EYS: variants seen among roughly 807,000 people sequenced by gnomAD.
The protein encoded by EYS is EGF-like photoreceptor maintenance factor, also known as protein eyes shut homolog.
Under a neutral mutation model 282.1 loss-of-function variants are expected in EYS, and 250 were observed. The ratio of observed to expected loss-of-function variants is 0.89; its 90% CI spans 0.80 to 0.98. The LOEUF (loss-of-function observed/expected upper bound fraction) is 0.98, where lower values mean the gene tolerates loss of function less well. Ranked by LOEUF, EYS falls within the 50% of genes least tolerant of loss-of-function variation. The pLI is 0.00. For missense variants in EYS, 4,016 were observed against 3,709.0 expected (o/e 1.08, Z -2.15); for synonymous variants, 1,355 against 1,282.9 (o/e 1.06, Z -1.20).
At position 64,194,890 on chromosome 6, in the gene EYS, T is replaced by C. The variant is rs552305244; in HGVS notation, c.6424+35702A>G. Among the ~76,000 whole-genome samples the C allele has an allele frequency of 3.3e-5, 5 of 152,270 alleles. No homozygotes were observed. In the South Asian group the frequency reaches 1.0e-3, roughly 32 times the overall value. On this transcript the variant is annotated intron_variant, in intron 31 of 42. Coordinates refer to ENST00000503581, the MANE Select transcript of EYS (RefSeq NM_001142800.2). Reference sequence around the variant, plus strand: ...TAGAGACCTTAAGTCTGTGCAAGAGTTTGGAAGTTGTACACTGGATTACTA... The same window carrying C: ...TAGAGACCTTAAGTCTGTGCAAGAGCTTGGAAGTTGTACACTGGATTACTA...
At chr6:64,059,172 T>G (rs1201308508) in intron 33 of EYS, among the ~76,000 whole-genome samples, 2 of 152,170 alleles carry the variant, frequency 1.3e-5, no homozygotes, top group Non-Finnish European at 2.9e-5. Flanking sequence ...AAAATGGAGT[T>G]CATTTTTCAT....
chr6:65,638,719 C>T (rs959160771), intron 2 of EYS, among the ~76,000 whole-genome samples: 2 of 152,222 alleles, frequency 1.3e-5, no homozygotes, highest in South Asian at 2.1e-4. Context: ...GTGGACCCCA[C>T]GCTCACTTTC....
At chr6:65,133,355 A>G (rs901665108) in intron 12 of EYS, among the ~76,000 whole-genome samples, 27 of 152,080 alleles carry the variant, frequency 1.8e-4, no homozygotes, top group African/African-American at 6.3e-4. Flanking sequence ...TAGAGGTATC[A>G]TGTTACCCAG....
rs1161324498 is a variant in EYS, at chr6:64,134,770, A to T, written c.6425-52768T>A. 2.6e-5 allele frequency among the ~76,000 whole-genome samples: 4 copies of T among 152,092 alleles called. No individual in the cohort carries two copies. The East Asian group carries it at 7.7e-4, about 29-fold the overall frequency. ...GACTAACGAGGAGCTCTGCATATTG[A>T]TCTAGAGAGATTTTGAGAAAGGAAG... On this transcript the variant is annotated intron_variant, in intron 31 of 42. Transcript: ENST00000503581.
intron 22 of EYS, among the ~76,000 whole-genome samples, chr6:64,670,456 A>C (rs1480600073): frequency 2.0e-5 from 3 of 151,032 alleles, no homozygotes; most frequent in Admixed American, 6.6e-5. Context: ...TGAAAAAAAA[A>C]CGTTAATAGC....
chr6:65,362,056 T>C (rs537368156), intron 8 of EYS, among the ~76,000 whole-genome samples: 1 of 81,238 alleles, frequency 1.2e-5, no homozygotes, highest in East Asian at 3.1e-4. Context: ...TCCCATATTT[T>C]CATTTATTTC....
At chr6:65,378,350 A>C (rs1377215658) in intron 8 of EYS, among the ~76,000 whole-genome samples, 2 of 152,208 alleles carry the variant, frequency 1.3e-5, no homozygotes, top group Non-Finnish European at 2.9e-5. Flanking sequence ...ATCTCATGGC[A>C]GTTATAATGA....
intron 7 of EYS, among the ~76,000 whole-genome samples, chr6:65,388,381 ATAAT>A (rs1438654352): frequency 2.0e-5 from 3 of 152,006 alleles, no homozygotes; most frequent in Non-Finnish European, 2.9e-5. Flanking sequence ...GAGGTGCTAT[ATAAT>A]TAATAAATTA....
intron 32 of EYS, among the ~76,000 whole-genome samples, chr6:64,078,439 T>C (rs1771846231): frequency 6.6e-6 from 1 of 152,056 alleles, no homozygotes; most frequent in Non-Finnish European, 1.5e-5. Flanking sequence ...CAAAAATCTT[T>C]GTGCTCATCT....
chr6:65,274,356 C>T (rs1376833415), intron 12 of EYS, among the ~76,000 whole-genome samples: 1 of 152,204 alleles, frequency 6.6e-6, no homozygotes. Context: ...GTGCAGAAGA[C>T]AGATGGATCT....
intron 7 of EYS, among the ~76,000 whole-genome samples, chr6:65,392,890 T>C (rs998888266): frequency 6.6e-5 from 10 of 152,208 alleles, no homozygotes; most frequent in African/African-American, 2.2e-4. Flanking sequence ...TATTGCGGCA[T>C]TATTCACAAT....
chr6:64,330,641 T>C (rs1182744363), intron 29 of EYS, among the ~76,000 whole-genome samples: 1 of 152,178 alleles, frequency 6.6e-6, no homozygotes, highest in African/African-American at 2.4e-5. Context: ...TTGGTGGCTA[T>C]GGGATGGCAT....
At chr6:63,962,573 C>A (rs1220520177) in intron 35 of EYS, among the ~76,000 whole-genome samples, 1 of 152,110 alleles carries the variant, frequency 6.6e-6, no homozygotes, top group Non-Finnish European at 1.5e-5. Flanking sequence ...CCATCTCACA[C>A]CAGTTGGAAT....
At chr6:63,914,029 G>A (rs1764350502) in intron 35 of EYS, among the ~76,000 whole-genome samples, 1 of 152,066 alleles carries the variant, frequency 6.6e-6, no homozygotes, top group African/African-American at 2.4e-5. Flanking sequence ...TATTGTAATT[G>A]TTTTCAGGTG....
intron 2 of EYS, among the ~76,000 whole-genome samples, chr6:65,563,907 A>G (rs1329342524): frequency 1.3e-5 from 2 of 152,190 alleles, no homozygotes; most frequent in African/African-American, 4.8e-5. Flanking sequence ...AATCTCCTTA[A>G]GCTTATGAGC....
At chr6:63,978,515 T>C (rs965217660) in intron 35 of EYS, among the ~76,000 whole-genome samples, 1 of 151,978 alleles carries the variant, frequency 6.6e-6, no homozygotes, top group Admixed American at 6.6e-5. Context: ...AAGAAATTGA[T>C]CTGAAATAGG....
rs548331382 is a variant in EYS at position 65,445,447 on chromosome 6, T to A, written c.863-40080A>T. 3.3e-5 allele frequency among the ~76,000 whole-genome samples: 5 copies of A among 151,876 alleles called. No homozygotes were observed. The East Asian group carries it at 5.8e-4, about 18-fold the overall frequency. ...TGAATAAAATTTTACCACTTTTTTT[T>A]AAACAAAAAAGCATAAAATTAAATT... On this transcript the variant is annotated intron_variant, in intron 5 of 42. Transcript: ENST00000503581.
At chr6:65,289,816 C>T (rs6455035) in intron 12 of EYS, among the ~76,000 whole-genome samples, 149,231 of 151,098 alleles carry the variant, frequency 0.99, 73,719 homozygotes, top group East Asian at 1. Context: ...ATTGGAAGAA[C>T]AATAAGAAAT....
At chr6:64,560,310 G>A (rs1387031435) in intron 26 of EYS, among the ~76,000 whole-genome samples, 1 of 151,496 alleles carries the variant, frequency 6.6e-6, no homozygotes, top group Admixed American at 6.6e-5. Flanking sequence ...TTTTACTTGT[G>A]CATACAAAAA....
Sources: allele counts gnomAD v4.1 joint callset (sites outside exome capture counted in the v4.1 genomes callset), GRCh38; gene constraint gnomAD v4.1.1; transcripts MANE v1.5; gene names NCBI Gene and HGNC (gene_info 2026-07-23, HGNC 2026-07-21).